Variants in KCND2 observed in about 807,000 individuals in gnomAD.
The protein encoded by KCND2 is A-type voltage-gated potassium channel KCND2.
A neutral mutation model predicts 54.4 loss-of-function variants in KCND2; 16 were observed. The ratio of observed to expected loss-of-function variants is 0.29; its 90% confidence interval spans 0.20 to 0.45. The LOEUF is 0.45. Ranked by LOEUF, KCND2 falls within the 20% of genes least tolerant of loss-of-function variation. The probability of loss-of-function intolerance (pLI) is 1.00; values close to 1 mark genes in which losing one functional copy is unlikely to be tolerated. For missense variants in KCND2, 486 were observed against 824.2 expected, an observed-to-expected ratio of 0.59 and a Z score of 5.02; for synonymous variants, 317 against 310.7, an observed-to-expected ratio of 1.02 and a Z score of -0.21.
intron 1 of KCND2, among the ~76,000 whole-genome samples, chr7:120,306,191 T>C (rs2116304676): frequency 6.6e-6 from 1 of 152,238 alleles, no homozygotes; most frequent in Non-Finnish European, 1.5e-5. Context: ...TTGTGGTATA[T>C]ATCTCAATCC....
intron 1 of KCND2, among the ~76,000 whole-genome samples, chr7:120,518,860 G>A (rs1803238216): frequency 1.3e-5 from 2 of 152,092 alleles, no homozygotes; most frequent in South Asian, 4.2e-4. Context: ...CTTAAATTAG[G>A]GATGTTATCA....
chr7:120,652,138 C>T (rs1370372900), intron 1 of KCND2, among the ~76,000 whole-genome samples: 1 of 151,464 alleles, frequency 6.6e-6, no homozygotes, highest in African/African-American at 2.4e-5. Flanking sequence ...TGCAGTGGCA[C>T]AGTCTTGGCT....
intron 1 of KCND2, among the ~76,000 whole-genome samples, chr7:120,575,610 C>CT (rs1204288771): frequency 6.6e-6 from 1 of 152,158 alleles, no homozygotes; most frequent in Non-Finnish European, 1.5e-5. Flanking sequence ...TCAGTATTAA[C>CT]TATAGCGTAA....
chr7:120,708,116 G>A (rs945633136), intron 1 of KCND2, among the ~76,000 whole-genome samples: 2 of 152,104 alleles, frequency 1.3e-5, no homozygotes, highest in Non-Finnish European at 2.9e-5. Flanking sequence ...AACTCAAAGA[G>A]CAGAAAGACA....
rs1052220898 is a variant in KCND2, at chr7:120,482,627, G to A, written c.1115+206880G>A. 1.7e-4 allele frequency among the ~76,000 whole-genome samples: 26 copies of A among 152,126 alleles called. 1 individual carries two copies. The East Asian group carries it at 4.8e-3, about 28-fold the overall frequency. ...AGTGGGCTAGTTATCTTGGGAGTGG[G>A]CCCCTCAGAAAAAGAGAGCTCTCAT... On this transcript the variant is annotated intron_variant, in intron 1 of 5. Transcript: ENST00000331113.
At chr7:120,634,801 C>A (rs1235353227) in intron 1 of KCND2, among the ~76,000 whole-genome samples, 1 of 152,216 alleles carries the variant, frequency 6.6e-6, no homozygotes, top group African/African-American at 2.4e-5. Context: ...CCTGATGAGG[C>A]TCCCAAGACT....
chr7:120,567,420 A>G (rs1020115888), intron 1 of KCND2, among the ~76,000 whole-genome samples: 52 of 152,212 alleles, frequency 3.4e-4, no homozygotes, highest in African/African-American at 1.2e-3. Flanking sequence ...AAATCCATGT[A>G]TCTGTCATCA....
chr7:120,620,895 A>C (rs2116499867), intron 1 of KCND2, among the ~76,000 whole-genome samples: 1 of 152,338 alleles, frequency 6.6e-6, no homozygotes, highest in East Asian at 1.9e-4. Flanking sequence ...TAGAAAATAT[A>C]ATTTAAAGGC....
At chr7:120,689,560 G>T (rs1020931973) in intron 1 of KCND2, among the ~76,000 whole-genome samples, 10 of 152,100 alleles carry the variant, frequency 6.6e-5, no homozygotes, top group Admixed American at 6.6e-4. Context: ...AATGTAAAAT[G>T]CAGGTTGTCC....
At chr7:120,547,495 T>C (rs1261931643) in intron 1 of KCND2, among the ~76,000 whole-genome samples, 1 of 151,954 alleles carries the variant, frequency 6.6e-6, no homozygotes, top group African/African-American at 2.4e-5. Context: ...CAGAAACTCA[T>C]AGATATGTTT....
chr7:120,704,505 C>T (rs2116043511), intron 1 of KCND2, among the ~76,000 whole-genome samples: 1 of 152,228 alleles, frequency 6.6e-6, no homozygotes, highest in South Asian at 2.1e-4. Flanking sequence ...AAATTCACAG[C>T]TCCTAAGTAT....
intron 1 of KCND2, among the ~76,000 whole-genome samples, chr7:120,345,126 C>T (rs1438014695): frequency 6.6e-6 from 1 of 152,100 alleles, no homozygotes; most frequent in Non-Finnish European, 1.5e-5. Flanking sequence ...GAAAACAAAA[C>T]ACCCACAATG....
intron 2 of KCND2, among the ~76,000 whole-genome samples, chr7:120,735,502 C>T (rs1203229789): frequency 6.6e-6 from 1 of 151,992 alleles, no homozygotes; most frequent in East Asian, 1.9e-4. Context: ...TTCCGATAAA[C>T]CAATTTCCCA....
chr7:120,726,119 C>T (rs2116121676), intron 1 of KCND2, among the ~76,000 whole-genome samples: 1 of 152,092 alleles, frequency 6.6e-6, no homozygotes, highest in East Asian at 1.9e-4. Flanking sequence ...CAACTACATA[C>T]ATTAGCTGAT....
At chr7:120,653,308 AG>A (rs1429168973) in intron 1 of KCND2, among the ~76,000 whole-genome samples, 2 of 151,818 alleles carry the variant, frequency 1.3e-5, no homozygotes, top group Admixed American at 1.3e-4. Flanking sequence ...GGCCTCCCAA[AG>A]TGCTGGAATT....
chr7:120,574,692 A>G (rs1792405768), intron 1 of KCND2, among the ~76,000 whole-genome samples: 1 of 152,052 alleles, frequency 6.6e-6, no homozygotes, highest in Non-Finnish European at 1.5e-5. Flanking sequence ...GAATTTTTAT[A>G]GCTTCCAGGT....
intron 1 of KCND2, among the ~76,000 whole-genome samples, chr7:120,650,610 C>T (rs192720317): frequency 4.9e-5 from 7 of 143,914 alleles, no homozygotes; most frequent in East Asian, 1.9e-4. Context: ...CTTCTTCTCC[C>T]GACTCGTCAA....
chr7:120,274,356 C>A lies in KCND2; in HGVS notation c.-277C>A. ...TTATTTGTGCCAGAGGGTGGCCTAG[C>A]CCACCTGCAGGAAGAGATTTGGCTG... On this transcript the variant is annotated 5_prime_UTR_variant, in exon 1 of 6. Coordinates refer to ENST00000331113, the MANE Select transcript of KCND2 (RefSeq NM_012281.3). The A allele has an allele frequency of 1.8e-6, 1 of 559,090 alleles. No homozygotes were observed. Among genetic ancestry groups the A allele is most frequent in the African/African-American group, 1.9e-5 (1 of 53,224 alleles). 34.6% of individuals were successfully genotyped at this position (559,090 alleles called of 1,614,324 possible).
intron 1 of KCND2, among the ~76,000 whole-genome samples, chr7:120,596,983 A>G (rs1212130365): frequency 6.6e-6 from 1 of 152,232 alleles, no homozygotes; most frequent in Admixed American, 6.5e-5. Flanking sequence ...GAAGACACTA[A>G]GTGACTAATC....
Sources: gnomAD v4.1 joint callset for allele counts (sites outside exome capture counted in the v4.1 genomes callset) on GRCh38, gnomAD v4.1.1 for gene constraint, MANE v1.5 for transcripts, NCBI Gene and HGNC (gene_info 2026-07-23, HGNC 2026-07-21) for gene names.